CHCHD3: variants seen among roughly 807,000 people sequenced by gnomAD.
CHCHD3 encodes MICOS complex subunit MIC19.
A neutral mutation model predicts 38.2 loss-of-function variants in CHCHD3; 20 were observed. The observed-to-expected ratio is 0.52, with a 90% confidence interval of 0.37 to 0.76. CHCHD3 has a LOEUF of 0.76. Ranked by LOEUF, CHCHD3 falls within the 30% of genes least tolerant of loss-of-function variation. CHCHD3 has a pLI of 0.00. For missense variants in CHCHD3, 245 were observed against 279.2 expected, an observed-to-expected ratio of 0.88 and a Z score of 0.87; for synonymous variants, 82 against 100.0, an observed-to-expected ratio of 0.82 and a Z score of 1.07.
intron 3 of CHCHD3, among the ~76,000 whole-genome samples, chr7:133,000,530 C>T (rs571702930): frequency 1.0e-3 from 156 of 152,068 alleles, no homozygotes; most frequent in Non-Finnish European, 1.8e-3. Context: ...ATGATGGTTA[C>T]CATTGGGGAG....
chr7:132,893,778 C>T (rs1408479119), intron 4 of CHCHD3, among the ~76,000 whole-genome samples: 1 of 152,188 alleles, frequency 6.6e-6, no homozygotes, highest in Non-Finnish European at 1.5e-5. Flanking sequence ...TTCTCTTTCA[C>T]AGGCTCTTTC....
intron 7 of CHCHD3, among the ~76,000 whole-genome samples, chr7:132,795,960 C>T (rs2117028296): frequency 6.6e-6 from 1 of 152,134 alleles, no homozygotes; most frequent in African/African-American, 2.4e-5. Flanking sequence ...TTTCCCTTTC[C>T]CTGTCCAACT....
At position 132,962,723 on chromosome 7, in the gene CHCHD3, T is replaced by A. The variant is rs545400888; in HGVS notation, c.369+12446A>T. Among the ~76,000 whole-genome samples, 3 of 152,354 alleles carry A rather than the reference T, an allele frequency of 2.0e-5. No individual in the cohort carries two copies. In the South Asian group the frequency reaches 6.2e-4, roughly 32 times the overall value. ...TCAATTCACCCACAATATAGAATAT[T>A]AATCTATAGGTCTGAATGAAATTCT... is the stretch of plus-strand genomic sequence containing the variant. On this transcript the variant is annotated intron_variant, in intron 4 of 7. Coordinates refer to ENST00000262570, the MANE Select transcript of CHCHD3 (RefSeq NM_017812.4).
rs1260806795 is a variant in CHCHD3 at position 133,035,089 on chromosome 7, C to T, written c.170-10462G>A. The stretch of plus-strand genomic sequence containing the variant: ...CTCTTGGGCAGGTGAGCGAAGGGGT[C>T]CTTGGCCTTGGGCTCAGCAGCCAGC... On this transcript the variant is annotated intron_variant, in intron 2 of 7. Coordinates refer to ENST00000262570, the MANE Select transcript of CHCHD3 (RefSeq NM_017812.4). This position sits in a 1 kb window ranked among gnomAD's most constrained non-coding sequence, Gnocchi z 4.7. The T allele has an allele frequency of 6.2e-7, 1 of 1,613,740 alleles. No homozygotes were observed. Among genetic ancestry groups the T allele is most frequent in the East Asian group, 2.2e-5 (1 of 44,866 alleles).
chr7:132,902,089 C>G (rs1292701408), intron 4 of CHCHD3, among the ~76,000 whole-genome samples: 1 of 152,140 alleles, frequency 6.6e-6, no homozygotes, highest in Admixed American at 6.5e-5. Context: ...AATAGGGAAT[C>G]CTTTCCCCAT....
At chr7:132,901,783 A>AT (rs1809676243) in intron 4 of CHCHD3, among the ~76,000 whole-genome samples, 1 of 152,114 alleles carries the variant, frequency 6.6e-6, no homozygotes, top group Admixed American at 6.5e-5. Context: ...CACTCTGATG[A>AT]CAGTTTCTTT....
chr7:132,858,550 T>G (rs1026518695), intron 5 of CHCHD3, among the ~76,000 whole-genome samples: 2 of 152,190 alleles, frequency 1.3e-5, no homozygotes, highest in African/African-American at 4.8e-5. Context: ...ATATCAACTT[T>G]CTGAGTTTTA....
intron 3 of CHCHD3, among the ~76,000 whole-genome samples, chr7:133,015,235 T>C (rs777593268): frequency 2.0e-5 from 3 of 151,800 alleles, no homozygotes; most frequent in Non-Finnish European, 4.4e-5. Context: ...CCCAGCTACT[T>C]GGGAGGCTGA....
chr7:133,036,202 T>C (rs1375376081), intron 2 of CHCHD3, among the ~76,000 whole-genome samples: 3 of 152,184 alleles, frequency 2.0e-5, no homozygotes, highest in African/African-American at 7.2e-5. Context: ...TTCTGACAAA[T>C]TGTAAATTAA....
At chr7:132,900,894 G>C (rs939086868) in intron 4 of CHCHD3, among the ~76,000 whole-genome samples, 2 of 152,172 alleles carry the variant, frequency 1.3e-5, no homozygotes, top group South Asian at 4.1e-4. Flanking sequence ...AGGAGGCTGA[G>C]GCAGGAGAAT....
chr7:133,072,825 CAAA>C (rs34614646), intron 1 of CHCHD3, among the ~76,000 whole-genome samples: 5 of 122,990 alleles, frequency 4.1e-5, no homozygotes, highest in Admixed American at 8.3e-5. Context: ...GACTCCGTCT[CAAA>C]AAAAAAAAAA....
intron 3 of CHCHD3, among the ~76,000 whole-genome samples, chr7:133,021,164 CT>C (rs1249607405): frequency 1.3e-5 from 2 of 152,170 alleles, no homozygotes; most frequent in Non-Finnish European, 2.9e-5. Context: ...TTTATTTTGC[CT>C]ACTTTTTCCT....
intron 1 of CHCHD3, among the ~76,000 whole-genome samples, chr7:133,073,570 A>G (rs1383431239): frequency 6.6e-6 from 1 of 151,850 alleles, no homozygotes; most frequent in Non-Finnish European, 1.5e-5. Flanking sequence ...GACACCACCA[A>G]CACCCAGCTT....
intron 4 of CHCHD3, among the ~76,000 whole-genome samples, chr7:132,960,063 C>G (rs1230317420): frequency 1.3e-5 from 2 of 152,158 alleles, no homozygotes; most frequent in African/African-American, 2.4e-5. Flanking sequence ...ACCTTTGTTG[C>G]AATCAGAATT....
chr7:132,957,483 C>A (rs912874372), intron 4 of CHCHD3, among the ~76,000 whole-genome samples: 3 of 151,936 alleles, frequency 2.0e-5, no homozygotes, highest in African/African-American at 4.8e-5. Flanking sequence ...TCTTAAGTTT[C>A]TTTTTTTCTT....
chr7:132,925,293 A>C (rs1247069995), intron 4 of CHCHD3, among the ~76,000 whole-genome samples: 1 of 152,212 alleles, frequency 6.6e-6, no homozygotes, highest in African/African-American at 2.4e-5. Flanking sequence ...TAATTTTAAA[A>C]GAACCTGATT....
intron 5 of CHCHD3, among the ~76,000 whole-genome samples, chr7:132,874,257 G>A (rs989536378): frequency 6.6e-5 from 10 of 152,104 alleles, no homozygotes; most frequent in Non-Finnish European, 1.5e-4. Flanking sequence ...AGTTCTAAAC[G>A]TTTTACGAAG....
At chr7:132,891,988 T>G (rs1434401237) in intron 4 of CHCHD3, among the ~76,000 whole-genome samples, 2 of 152,214 alleles carry the variant, frequency 1.3e-5, no homozygotes, top group South Asian at 4.1e-4. Context: ...TAATTAAATC[T>G]CTTTCTTTTA....
chr7:132,825,052 G>A (rs943184874), intron 6 of CHCHD3, among the ~76,000 whole-genome samples: 3 of 152,108 alleles, frequency 2.0e-5, no homozygotes, highest in Non-Finnish European at 4.4e-5. Flanking sequence ...CCTGCATCAA[G>A]TTTTGATGCT....
Sources: gnomAD v4.1 joint callset for allele counts (sites outside exome capture counted in the v4.1 genomes callset) on GRCh38, gnomAD v4.1.1 for gene constraint, Gnocchi (gnomAD v3.1) non-coding constraint, MANE v1.5 for transcripts, NCBI Gene and HGNC (gene_info 2026-07-23, HGNC 2026-07-21) for gene names.